The following ZNF721 variants were observed in gnomAD, a reference collection of about 807,000 sequenced individuals.
ZNF721 encodes zinc finger protein 721.
Under a neutral mutation model 2.4 loss-of-function variants are expected in ZNF721, and 2 were observed. That is an observed-to-expected ratio of 0.82 (90% CI 0.34 to 2.58). ZNF721 has a LOEUF of 2.58. ZNF721 is among the 30% of genes most tolerant of loss of function. ZNF721 has a pLI of 0.11. For synonymous variants in ZNF721, 398 were observed against 381.8 expected, an observed-to-expected ratio of 1.04 and a Z score of -0.50; for missense variants, 1,187 against 1,085.5, an observed-to-expected ratio of 1.09 and a Z score of -1.31.
chr4:468,720 A>G (rs1050325249), intron 2 of ZNF721, among the ~76,000 whole-genome samples: 1 of 152,206 alleles, frequency 6.6e-6, no homozygotes, highest in African/African-American at 2.4e-5. Context: ...AGGTAATCTC[A>G]TCAGCCTGGG....
chr4:445,369 A>G (rs1019355258), intron 2 of ZNF721, among the ~76,000 whole-genome samples: 2 of 152,138 alleles, frequency 1.3e-5, no homozygotes, highest in African/African-American at 2.4e-5. Flanking sequence ...CATCCTTCCA[A>G]CATGTATGAC....
chr4:469,627 G>A (rs782028882), intron 2 of ZNF721, among the ~76,000 whole-genome samples: 6 of 152,116 alleles, frequency 3.9e-5, no homozygotes, highest in Admixed American at 1.3e-4. Context: ...CTGAGCCATC[G>A]TGAGAAAGAA....
Position 461,471 on chromosome 4 carries a change from T to C in ZNF721, c.34+11104A>G, listed in dbSNP as rs540247432. Among the ~76,000 whole-genome samples, 321 of 152,274 alleles carry C rather than the reference T, an allele frequency of 2.1e-3. 12 individuals are homozygous for C. The South Asian group carries it at 0.064, about 30-fold the overall frequency. On this transcript the variant is annotated intron_variant, in intron 2 of 2. Transcript: ENST00000511833. ...ATGTATCTCAAAATAATAAGAGCTATTTATGACAAACACAGCCAATATTAT... is the reference window on the plus strand; with the variant it reads ...ATGTATCTCAAAATAATAAGAGCTACTTATGACAAACACAGCCAATATTAT...
At chr4:451,693 A>G (rs1287956675) in intron 2 of ZNF721, among the ~76,000 whole-genome samples, 3 of 152,190 alleles carry the variant, frequency 2.0e-5, no homozygotes, top group Admixed American at 6.5e-5. Flanking sequence ...TTTATCCTTA[A>G]AGGTATTGTG....
At position 442,119 on chromosome 4, in the gene ZNF721, C is replaced by T; in HGVS notation, c.2348G>A (p.Cys783Tyr). The change falls in exon 3 of 3, where the codon TGT (cysteine) becomes TAT (tyrosine). Residue 783 changes from cysteine to tyrosine, a missense_variant. Coordinates refer to ENST00000511833, the MANE Select transcript of ZNF721 (RefSeq NM_133474.4). ...KIHTGKKPYK[C>Y]KECGKVITSS... ...CGTAATGACTTTGCCACATTCCTTACATTTGTAGGGTTTCTTTCCAGTATG... is the reference window on the plus strand; with the variant it reads ...CGTAATGACTTTGCCACATTCCTTATATTTGTAGGGTTTCTTTCCAGTATG... 1 of 1,613,816 alleles carries T rather than the reference C, an allele frequency of 6.2e-7. No individual in the cohort carries two copies. Among genetic ancestry groups the T allele is most frequent in the Non-Finnish European group, 8.5e-7 (1 of 1,179,792 alleles).
chr4:481,811 C>T (rs578018603), intron 1 of ZNF721, among the ~76,000 whole-genome samples: 3 of 152,332 alleles, frequency 2.0e-5, no homozygotes, highest in African/African-American at 7.2e-5. Flanking sequence ...CAGACAAACA[C>T]CCAGAATCTG....
At chr4:482,447 G>A (rs542391510) in intron 1 of ZNF721, among the ~76,000 whole-genome samples, 5 of 152,192 alleles carry the variant, frequency 3.3e-5, no homozygotes, top group African/African-American at 1.2e-4. Flanking sequence ...TTACCAGCAT[G>A]AGCCACCGCG....
chr4:465,663 ACCTCATGATCGG>A lies in ZNF721; in HGVS notation c.34+6900_34+6911del, dbSNP rs1409080276. 4.6e-5 allele frequency among the ~76,000 whole-genome samples: 7 copies of A among 152,028 alleles called. No homozygotes were observed. In the East Asian group the frequency reaches 1.4e-3, roughly 30 times the overall value. On this transcript the variant is annotated intron_variant, in intron 2 of 2. Transcript: ENST00000511833. ...TAGCCAGGATGGTCTCGATCTCCTG[ACCTCATGATCGG>A]CCTCGTGATCGGCCTCCCAAAGTGC...
chr4:497,466 C>G (rs760038378), intron 1 of ZNF721, among the ~76,000 whole-genome samples: 5 of 152,134 alleles, frequency 3.3e-5, no homozygotes, highest in Non-Finnish European at 7.3e-5. Flanking sequence ...TTTCAGGAGG[C>G]TTATTTCCCA....
chr4:454,644 C>T (rs891403373), intron 2 of ZNF721, among the ~76,000 whole-genome samples: 6 of 152,084 alleles, frequency 3.9e-5, no homozygotes, highest in African/African-American at 1.2e-4. Flanking sequence ...TATGCCTTCC[C>T]CATGTATCTG....
chr4:488,978 G>A (rs183361438), intron 1 of ZNF721, among the ~76,000 whole-genome samples: 12 of 152,300 alleles, frequency 7.9e-5, no homozygotes, highest in Admixed American at 7.2e-4. Flanking sequence ...CCAGTAGCTA[G>A]CGGGAAGAAA....
rs368266744 is a variant in ZNF721, at chr4:447,766, A to G, written c.35-3334T>C. Among the ~76,000 whole-genome samples the G allele has an allele frequency of 1.6e-3, 244 of 152,230 alleles. 2 individuals carry two copies. Among genetic ancestry groups the G allele is most frequent in the Middle Eastern group, 6.8e-3 (2 of 292 alleles). ...TCTTAAGTCAAAACTATCCTATTTC[A>G]TAAAATATACTTTAACTAAAAGTTC... On this transcript the variant is annotated intron_variant, in intron 2 of 2. Transcript: ENST00000511833.
intron 2 of ZNF721, among the ~76,000 whole-genome samples, chr4:469,944 C>A (rs1477842682): frequency 6.6e-6 from 1 of 152,116 alleles, no homozygotes; most frequent in African/African-American, 2.4e-5. Context: ...TGCAGTGGCG[C>A]CATCTCGGCT....
chr4:486,139 A>T, intron 1 of ZNF721, among the ~76,000 whole-genome samples: 1 of 148,676 alleles, frequency 6.7e-6, no homozygotes, highest in South Asian at 2.2e-4. Context: ...GCATTGGTTG[A>T]GTGTGATTTC....
chr4:498,251 G>A (rs1716382280), intron 1 of ZNF721, among the ~76,000 whole-genome samples: 2 of 150,136 alleles, frequency 1.3e-5, no homozygotes, highest in African/African-American at 4.9e-5. Flanking sequence ...GAAGGACATT[G>A]GTTCTGTCCA....
chr4:458,087 G>C (rs1182759658), intron 2 of ZNF721, among the ~76,000 whole-genome samples: 1 of 152,228 alleles, frequency 6.6e-6, no homozygotes, highest in Non-Finnish European at 1.5e-5. Context: ...CTAGGTTAGA[G>C]CATTTCCAAA....
chr4:459,754 C>T (rs1465822089), intron 2 of ZNF721, among the ~76,000 whole-genome samples: 1 of 151,780 alleles, frequency 6.6e-6, no homozygotes, highest in East Asian at 1.9e-4. Context: ...TGGCGTGAAC[C>T]CAGGAGGCAG....
In ZNF721 at chr4:444,407, G is replaced by T; in HGVS notation, c.60C>A (p.Asp20Glu). 1 of 1,588,390 alleles carries T rather than the reference G, an allele frequency of 6.3e-7. No individual in the cohort carries two copies. The highest frequency in any genetic ancestry group is 8.6e-7 in the Non-Finnish European group (1 of 1,169,560). ...CTTCTATCCCCTGCACTGGCAAAAA[G>T]TCTTGGGTGAAATGAGAACACATAG... ...SLAMCSHFTQ[D>E]FLPVQGIEDS... The change falls in exon 3 of 3, where the codon GAC (aspartate) becomes GAA (glutamate). Residue 20 changes from aspartate to glutamate, a missense_variant. By Grantham distance (45) the Asp-to-Glu change is conservative (BLOSUM62 2). Coordinates refer to ENST00000511833, the MANE Select transcript of ZNF721 (RefSeq NM_133474.4).
At chr4:448,543 A>C (rs1291265425) in intron 2 of ZNF721, among the ~76,000 whole-genome samples, 7 of 152,170 alleles carry the variant, frequency 4.6e-5, no homozygotes, top group Admixed American at 2.6e-4. Flanking sequence ...CTACAGATTA[A>C]ATGCAATCCC....
Sources: gnomAD v4.1 joint callset for allele counts (sites outside exome capture counted in the v4.1 genomes callset) on GRCh38, gnomAD v4.1.1 for gene constraint, MANE v1.5 for transcripts, NCBI Gene and HGNC (gene_info 2026-07-23, HGNC 2026-07-21) for gene names.